Variants in LRRIQ1 observed in about 807,000 individuals in gnomAD.
The protein encoded by LRRIQ1 is leucine rich repeats and IQ motif containing 1, also known as leucine-rich repeat- and IQ domain-containing protein 1.
Under a neutral mutation model 211.9 loss-of-function variants are expected in LRRIQ1, and 210 were observed. That is an observed-to-expected ratio of 0.99 (90% CI 0.89 to 1.11). The LOEUF (loss-of-function observed/expected upper bound fraction) is 1.11, where lower values mean the gene tolerates loss of function less well. Among genes scored for constraint, LRRIQ1 ranks in the 50% most tolerant of loss-of-function variants. LRRIQ1 has a pLI of 0.00. For synonymous variants in LRRIQ1, 699 were observed against 650.1 expected, an observed-to-expected ratio of 1.08 and a Z score of -1.14; for missense variants, 2,136 against 1,939.5, an observed-to-expected ratio of 1.10 and a Z score of -1.90.
chr12:85,260,093 G>C (rs1049487195), intron 1 of LRRIQ1, among the ~76,000 whole-genome samples: 1 of 117,854 alleles, frequency 8.5e-6, no homozygotes. Context: ...TATACAAAAA[G>C]TACTACCCTC....
At chr12:85,218,570 T>C (rs1342300661) in intron 24 of LRRIQ1, among the ~76,000 whole-genome samples, 1 of 152,104 alleles carries the variant, frequency 6.6e-6, no homozygotes, top group Non-Finnish European at 1.5e-5. Context: ...CAACTTACTA[T>C]GTACAGTTTC....
At chr12:85,067,502 T>G (rs1882566905) in intron 10 of LRRIQ1, among the ~76,000 whole-genome samples, 1 of 151,870 alleles carries the variant, frequency 6.6e-6, no homozygotes, top group Non-Finnish European at 1.5e-5. Flanking sequence ...TTATTTTTTG[T>G]TTTAGCAATT....
Position 85,128,109 on chromosome 12 carries a change from A to G in LRRIQ1, c.4209+76A>G, listed in dbSNP as rs150266503. On this transcript the variant is annotated intron_variant, in intron 18 of 26. Coordinates refer to ENST00000393217, the MANE Select transcript of LRRIQ1 (RefSeq NM_001079910.2). ...TTTCATGATTTATTCTGTATTAAAAATAACCTCCAAATCTCAGTGATTACA... is the reference window on the plus strand; with the variant it reads ...TTTCATGATTTATTCTGTATTAAAAGTAACCTCCAAATCTCAGTGATTACA... The G allele has an allele frequency of 8.2e-3, 8,957 of 1,097,924 alleles. 63 individuals are homozygous for G. The highest frequency in any genetic ancestry group is 0.011 in the Non-Finnish European group (7,800 of 736,484). The allele number at this position is 1,097,924 out of a possible 1,614,324, so 68.0% of individuals were successfully genotyped here. A position where few individuals can be genotyped will look rare whatever the true frequency, so the allele number is the denominator to read the frequency against.
At chr12:85,090,129 G>T (rs1265280547) in intron 11 of LRRIQ1, among the ~76,000 whole-genome samples, 1 of 152,192 alleles carries the variant, frequency 6.6e-6, no homozygotes. Context: ...ATAAGCCTTG[G>T]CATCTTCCAC....
At chr12:85,253,525 C>G (rs1164652679) in intron 1 of LRRIQ1, among the ~76,000 whole-genome samples, 1 of 152,030 alleles carries the variant, frequency 6.6e-6, no homozygotes, top group Admixed American at 6.6e-5. Context: ...TTTATTGTCT[C>G]TTGCCAGCCA....
chr12:85,258,675 G>T (rs752226914), intron 1 of LRRIQ1, among the ~76,000 whole-genome samples: 3 of 151,836 alleles, frequency 2.0e-5, no homozygotes, highest in African/African-American at 7.2e-5. Flanking sequence ...TGATGTAAAC[G>T]CTTTGCTGCT....
At chr12:85,247,161 T>C (rs1895749052), downstream of LRRIQ1, among the ~76,000 whole-genome samples, 1 of 151,582 alleles carries the variant, frequency 6.6e-6, no homozygotes, top group South Asian at 2.1e-4. Flanking sequence ...AAACCTACTC[T>C]TAGTTGCTTA....
chr12:85,223,833 A>G (rs1248272781), intron 24 of LRRIQ1, among the ~76,000 whole-genome samples: 2 of 152,140 alleles, frequency 1.3e-5, no homozygotes, highest in Non-Finnish European at 2.9e-5. Context: ...AAGATATTTT[A>G]CAATGTACAA....
intron 1 of LRRIQ1, among the ~76,000 whole-genome samples, chr12:85,261,634 A>C (rs1370571775): frequency 6.6e-6 from 1 of 152,016 alleles, no homozygotes; most frequent in Admixed American, 6.6e-5. Context: ...GCCTCAAGCC[A>C]GTACTGAGGA....
chr12:85,114,138 A>C (rs1887394896), intron 15 of LRRIQ1, among the ~76,000 whole-genome samples: 1 of 151,962 alleles, frequency 6.6e-6, no homozygotes, highest in Non-Finnish European at 1.5e-5. Flanking sequence ...GCTGGATCTT[A>C]AAGTGAAACT....
chr12:85,139,196 C>G lies in LRRIQ1; in HGVS notation c.4329+1227C>G, dbSNP rs146674083. On this transcript the variant is annotated intron_variant, in intron 19 of 26. Transcript: ENST00000393217. The stretch of plus-strand genomic sequence containing the variant: ...GCTGCATAGATCATTCTTGGGAATA[C>G]TGCTTCAGGTTTAAAAAGGGCCCAG... Among the ~76,000 whole-genome samples the G allele has an allele frequency of 3.0e-4, 46 of 151,464 alleles. No homozygotes were observed. The East Asian group carries it at 8.4e-3, about 28-fold the overall frequency.
rs373162982 is a variant in LRRIQ1 at position 85,056,014 on chromosome 12, C to G, written c.1221C>G (p.Asn407Lys). ...CATTAAAGAAGAGCGGATATAATAA[C>G]AAACATTTAAGTCTTGAAGATATTT... ...SSALKKSGYN[N>K]KHLSLEDISN... Residue 407 changes from asparagine (N) to lysine (K), a missense_variant, in exon 8 of 27, where the codon AAC (asparagine) becomes AAG (lysine). By Grantham distance (94) the Asn-to-Lys change is moderately conservative (BLOSUM62 0). Transcript: ENST00000393217. The G allele has an allele frequency of 1.2e-6, 2 of 1,605,802 alleles. No homozygotes were observed. Among genetic ancestry groups the G allele is most frequent in the Admixed American group, 3.4e-5 (2 of 58,610 alleles).
intron 24 of LRRIQ1, among the ~76,000 whole-genome samples, chr12:85,161,297 T>A (rs889213409): frequency 6.6e-6 from 1 of 152,136 alleles, no homozygotes; most frequent in Non-Finnish European, 1.5e-5. Context: ...GTAGCAAGCA[T>A]GATGCAAAAC....
chr12:85,163,692 G>GAT (rs1182843066), intron 24 of LRRIQ1, among the ~76,000 whole-genome samples: 1 of 152,092 alleles, frequency 6.6e-6, no homozygotes. Flanking sequence ...AAGGATGGTA[G>GAT]ATATATCTCT....
At chr12:85,045,839 A>C (rs528384764) in intron 4 of LRRIQ1, among the ~76,000 whole-genome samples, 181 bp from the exon 5 acceptor site, 1 of 152,132 alleles carries the variant, frequency 6.6e-6, no homozygotes, top group African/African-American at 2.4e-5. Context: ...TGCATGGGAA[A>C]ATTTTTTATT....
intron 24 of LRRIQ1, among the ~76,000 whole-genome samples, chr12:85,169,880 T>C (rs908097578): frequency 1.4e-4 from 22 of 152,128 alleles, no homozygotes; most frequent in Admixed American, 5.9e-4. Context: ...CAGTAGTATA[T>C]TGGTTCTCAA....
chr12:85,216,124 A>G (rs1894066312), intron 24 of LRRIQ1, among the ~76,000 whole-genome samples: 2 of 152,130 alleles, frequency 1.3e-5, no homozygotes, highest in African/African-American at 4.8e-5. Context: ...TGCATCCATC[A>G]ACTCGTCATC....
At chr12:85,055,403 C>A in intron 7 of LRRIQ1, 144 bp from the exon 8 acceptor site, 1 of 601,224 alleles carries the variant, frequency 1.7e-6, no homozygotes, top group Non-Finnish European at 2.4e-6. Context: ...AGATAAATGA[C>A]TTTAGTTTCT....
At chr12:85,129,311 G>A (rs549728026) in intron 18 of LRRIQ1, among the ~76,000 whole-genome samples, 193 of 152,266 alleles carry the variant, frequency 1.3e-3, no homozygotes, top group South Asian at 4.4e-3. Flanking sequence ...GGTGGAGGAT[G>A]CAGATATAAA....
Sources: allele counts gnomAD v4.1 joint callset (sites outside exome capture counted in the v4.1 genomes callset), GRCh38; gene constraint gnomAD v4.1.1; transcripts MANE v1.5; gene names NCBI Gene and HGNC (gene_info 2026-07-23, HGNC 2026-07-21).